The following ZNF248 variants were observed in gnomAD, a reference collection of about 807,000 sequenced individuals.
The protein encoded by ZNF248 is KRAB protein domain.
A neutral mutation model predicts 44.3 loss-of-function variants in ZNF248; 20 were observed. The ratio of observed to expected loss-of-function variants is 0.45; its 90% CI spans 0.32 to 0.66. The LOEUF (loss-of-function observed/expected upper bound fraction) is 0.66. Among genes scored for constraint, ZNF248 ranks in the 30% least tolerant of loss-of-function variants. The pLI, the probability that ZNF248 is intolerant of heterozygous loss-of-function variation, is 0.04. For missense variants in ZNF248, 654 were observed against 677.0 expected, an observed-to-expected ratio of 0.97 and a Z score of 0.38; for synonymous variants, 224 against 229.0, an observed-to-expected ratio of 0.98 and a Z score of 0.20.
chr10:37,831,023 G>T lies in ZNF248; in HGVS notation c.*592C>A. 1 of 924,416 alleles carries T rather than the reference G, an allele frequency of 1.1e-6. No individual in the cohort carries two copies. The highest frequency in any genetic ancestry group is 1.4e-6 in the Non-Finnish European group (1 of 718,008). 57.3% of individuals were successfully genotyped at this position (924,416 alleles called of 1,614,324 possible). ...ATCACTATATTTAAGTATGTGTGTA[G>T]AAATATATTTACATATACACACAAA... On this transcript the variant is annotated 3_prime_UTR_variant, in exon 6 of 6. Transcript: ENST00000395867.
chr10:37,772,004 T>A (rs1340507406), downstream of ZNF248, among the ~76,000 whole-genome samples: 2 of 152,160 alleles, frequency 1.3e-5, no homozygotes, highest in Non-Finnish European at 2.9e-5. Context: ...CAGTGGCTCA[T>A]ACCTGTAATC....
intron 6 of ZNF248, among the ~76,000 whole-genome samples, chr10:37,798,837 T>C (rs979596092): frequency 1.3e-5 from 2 of 152,208 alleles, no homozygotes; most frequent in Middle Eastern, 3.2e-3. Flanking sequence ...GAATTCACAT[T>C]GTGTATGATT....
Position 37,838,031 on chromosome 10 carries a change from T to C in ZNF248, c.96A>G (p.Leu32=), listed in dbSNP as rs761665864. The change falls in exon 4 of 6, where the codon CTA becomes CTG. Residue 32 remains leucine, a synonymous_variant. Coordinates refer to ENST00000395867, the MANE Select transcript of ZNF248 (RefSeq NM_021045.3). The part of the protein sequence containing the change: ...WYLLDPAQKI[L]YRDVILENYS... ...AATTTTCCAGGATCACATCTCTGTA[T>C]AGAATCTTCTGAGCAGGGTCCAGCA... 2 of 1,613,964 alleles carry C rather than the reference T, an allele frequency of 1.2e-6. No homozygotes were observed. Among genetic ancestry groups the C allele is most frequent in the East Asian group, 2.2e-5 (1 of 44,870 alleles).
rs869199263 is a variant in ZNF248 at position 37,791,042 on chromosome 10, CTTTTTTTTTTTT to C, written c.331-14479_331-14468del. On this transcript the variant is annotated intron_variant, in intron 6 of 6. Coordinates refer to the ZNF248 transcript ENST00000615949. ...TTGTTTCTCTTATACTTTGTTATTTCTTTTTTTTTTTTTTTTTTTTTTTTTTTTTGAGACAGA... is the reference window on the plus strand; with the variant it reads ...TTGTTTCTCTTATACTTTGTTATTTCTTTTTTTTTTTTTTTTTGAGACAGA... Among the ~76,000 whole-genome samples the C allele has an allele frequency of 6.8e-3, 348 of 50,920 alleles. 3 individuals carry two copies. In the Middle Eastern group the frequency reaches 0.076, roughly 11 times the overall value. The allele number at this position is 50,920 out of a possible 152,430, so 33.4% of individuals were successfully genotyped here.
At chr10:37,846,192 A>C (rs2059289989) in intron 3 of ZNF248, among the ~76,000 whole-genome samples, 1 of 152,136 alleles carries the variant, frequency 6.6e-6, no homozygotes, top group Non-Finnish European at 1.5e-5. Context: ...TCCCAATGTC[A>C]GTTTTAGCTT....
intron 6 of ZNF248, among the ~76,000 whole-genome samples, chr10:37,786,063 C>T (rs534383547): frequency 2.3e-4 from 35 of 152,248 alleles, no homozygotes; most frequent in Non-Finnish European, 4.1e-4. Flanking sequence ...AATGGAGTAG[C>T]CATGACAGCA....
chr10:37,795,412 G>A (rs773086822), intron 6 of ZNF248: 4 of 152,052 alleles, frequency 2.6e-5, no homozygotes, highest in Non-Finnish European at 5.9e-5. Context: ...TTCTATTTCA[G>A]TTCTCTCATA....
the ZNF248 span, among the ~76,000 whole-genome samples, chr10:37,766,057 G>A: frequency 1.0e-3 from 153 of 152,370 alleles, 1 homozygote; most frequent in Non-Finnish European, 1.9e-3. Context: ...GCAACGCTGC[G>A]GGAGGGGCGC....
At chr10:37,773,896 A>T (rs1457513010), downstream of ZNF248, among the ~76,000 whole-genome samples, 2 of 152,090 alleles carry the variant, frequency 1.3e-5, no homozygotes, top group African/African-American at 4.8e-5. Flanking sequence ...TGCAGCATTA[A>T]CGTCTGCCTA....
chr10:37,856,287 G>A lies in ZNF248; in HGVS notation c.15+9C>T, dbSNP rs115684308. 4.6e-4 allele frequency: 739 copies of A among 1,612,738 alleles called. 3 individuals are homozygous for A. In the African/African-American group the frequency reaches 8.9e-3, roughly 20 times the overall value. ...AAACAAACTGGGAATAAAGAAACAAGAATCTCACCTGGGATTTGTTCATTT... is the reference window on the plus strand; with the variant it reads ...AAACAAACTGGGAATAAAGAAACAAAAATCTCACCTGGGATTTGTTCATTT... On this transcript the variant is annotated intron_variant, in intron 3 of 5. Coordinates refer to ENST00000395867, the MANE Select transcript of ZNF248 (RefSeq NM_021045.3).
chr10:37,777,250 G>A (rs1236034902), intron 6 of ZNF248, among the ~76,000 whole-genome samples: 5 of 152,070 alleles, frequency 3.3e-5, no homozygotes, highest in Non-Finnish European at 7.4e-5. Flanking sequence ...AAACTGCAAC[G>A]ACCACAAAAT....
Position 37,819,525 on chromosome 10 carries a change from G to A in ZNF248, c.330+13500C>T, listed in dbSNP as rs534717511. On this transcript the variant is annotated intron_variant, in intron 6 of 6. Coordinates refer to the ZNF248 transcript ENST00000615949. Reference sequence around the variant, plus strand: ...CTGAAACCTCCTCTATCCAAAAGATGTAACAACAAATATCTGTCATTTAGC... The same window carrying A: ...CTGAAACCTCCTCTATCCAAAAGATATAACAACAAATATCTGTCATTTAGC... The A allele has an allele frequency of 1.2e-5, 13 of 1,060,164 alleles. No individual in the cohort carries two copies. The East Asian group carries it at 2.9e-4, about 23-fold the overall frequency. The allele number at this position is 1,060,164 out of a possible 1,614,324, so 65.7% of individuals were successfully genotyped here.
rs1407956947 is a variant in ZNF248, at chr10:37,832,160, G to C, written c.1195C>G (p.Gln399Glu). The change falls in exon 6 of 6, where the codon CAG (glutamine) becomes GAG (glutamate). Residue 399 changes from glutamine to glutamate, a missense_variant. Transcript: ENST00000395867. The part of the protein sequence containing the change: ...FWEKSNLTQH[Q>E]RTHTGEKPYE... Reference sequence around the variant, plus strand: ...GGCTTCTCTCCTGTGTGTGTTCTCTGATGTTGAGTGAGGTTTGACTTCTCC... The same window carrying C: ...GGCTTCTCTCCTGTGTGTGTTCTCTCATGTTGAGTGAGGTTTGACTTCTCC... The C allele has an allele frequency of 6.2e-7, 1 of 1,613,972 alleles. No individual in the cohort carries two copies. The highest frequency in any genetic ancestry group is 8.5e-7 in the Non-Finnish European group (1 of 1,179,982).
At chr10:37,774,378 A>T (rs2046418037), downstream of ZNF248, among the ~76,000 whole-genome samples, 1 of 152,230 alleles carries the variant, frequency 6.6e-6, no homozygotes, top group African/African-American at 2.4e-5. Flanking sequence ...CTAACCAGTG[A>T]GAGCTATCAC....
intron 6 of ZNF248, among the ~76,000 whole-genome samples, chr10:37,801,631 C>T (rs1363420516): frequency 1.3e-5 from 2 of 151,692 alleles, no homozygotes; most frequent in Non-Finnish European, 2.9e-5. Flanking sequence ...TACAAAAAAC[C>T]CATAAATATA....
intron 6 of ZNF248, among the ~76,000 whole-genome samples, chr10:37,799,481 C>T (rs1157996570): frequency 6.6e-6 from 1 of 152,128 alleles, no homozygotes; most frequent in East Asian, 1.9e-4. Flanking sequence ...ATTGCTTGAA[C>T]GTGGGAGGCA....
intron 6 of ZNF248, among the ~76,000 whole-genome samples, chr10:37,789,454 G>A (rs1276892501): frequency 6.6e-6 from 1 of 152,124 alleles, no homozygotes; most frequent in South Asian, 2.1e-4. Flanking sequence ...AACTAAAATG[G>A]TGTTTTATGG....
chr10:37,773,374 G>A (rs73236259), downstream of ZNF248, among the ~76,000 whole-genome samples: 79 of 152,236 alleles, frequency 5.2e-4, no homozygotes, highest in African/African-American at 1.8e-3. Flanking sequence ...TATTAGAATG[G>A]CTATCAAAAA....
intron 6 of ZNF248, among the ~76,000 whole-genome samples, chr10:37,810,466 T>A (rs2133381029): frequency 6.6e-6 from 1 of 152,332 alleles, no homozygotes; most frequent in African/African-American, 2.4e-5. Flanking sequence ...AGGCCTATTT[T>A]GTCTGATGTT....
Sources: gnomAD v4.1 joint callset for allele counts (sites outside exome capture counted in the v4.1 genomes callset) on GRCh38, gnomAD v4.1.1 for gene constraint, MANE v1.5 for transcripts, NCBI Gene and HGNC (gene_info 2026-07-23, HGNC 2026-07-21) for gene names.